The following RBMS3 variants were observed in gnomAD, a reference collection of about 807,000 sequenced individuals.
RBMS3 encodes RNA binding motif single stranded interacting protein 3, also known as RNA-binding motif, single-stranded-interacting protein 3.
RBMS3 carries 27 observed loss-of-function variants against 66.8 expected under a neutral mutation model. That is an observed-to-expected ratio of 0.40 (90% CI 0.30 to 0.56). The LOEUF is 0.56. Ranked by LOEUF, RBMS3 falls within the 20% of genes least tolerant of loss-of-function variation. The pLI, the probability that RBMS3 is intolerant of heterozygous loss-of-function variation, is 0.40. For missense variants in RBMS3, 513 were observed against 549.5 expected (o/e 0.93, Z 0.66); for synonymous variants, 188 against 183.0 (o/e 1.03, Z -0.22).
chr3:29,970,679 T>G (rs970722482), intron 12 of RBMS3, among the ~76,000 whole-genome samples: 3 of 152,218 alleles, frequency 2.0e-5, no homozygotes, highest in Non-Finnish European at 4.4e-5. Context: ...CAAAGCTTTA[T>G]GCAACATGTA....
At chr3:29,475,734 C>A (rs1305268866) in intron 2 of RBMS3, among the ~76,000 whole-genome samples, 1 of 152,010 alleles carries the variant, frequency 6.6e-6, no homozygotes, top group Non-Finnish European at 1.5e-5. Context: ...TGCCTAAGTA[C>A]AAAGATTCAT....
chr3:29,997,036 A>T (rs1308184639), intron 14 of RBMS3, among the ~76,000 whole-genome samples: 1 of 151,734 alleles, frequency 6.6e-6, no homozygotes, highest in Non-Finnish European at 1.5e-5. Flanking sequence ...CTAATAAAGA[A>T]AAAAAGAGAG....
Position 29,281,736 on chromosome 3 carries a change from C to T in RBMS3, c.55C>T (p.Pro19Ser), listed in dbSNP as rs1197400405. The T allele has an allele frequency of 1.2e-6, 2 of 1,613,252 alleles. No homozygotes were observed. Among genetic ancestry groups the T allele is most frequent in the East Asian group, 4.5e-5 (2 of 44,786 alleles). Residue 19 changes from proline (P) to serine (S), a missense_variant, in exon 1 of 15, where the codon CCT (proline) becomes TCT (serine). Pro to Ser is a moderately conservative substitution (Grantham distance 74). Transcript: ENST00000383767. ...GTACCCCCAGTACACTTACTACTAT[C>T]CTCATTATCTCCAAACCAAGGTATG... Reference protein sequence around the residue: ...QMYPQYTYYYPHYLQTKQSYA... With the variant: ...QMYPQYTYYYSHYLQTKQSYA...
At chr3:29,683,859 A>G (rs762259595) in intron 4 of RBMS3, among the ~76,000 whole-genome samples, 1 of 152,064 alleles carries the variant, frequency 6.6e-6, no homozygotes. Flanking sequence ...AGGGCTGGAC[A>G]GGAATGACTA....
intron 4 of RBMS3, among the ~76,000 whole-genome samples, chr3:29,675,547 C>G (rs1462793300): frequency 6.6e-6 from 1 of 152,124 alleles, no homozygotes; most frequent in East Asian, 1.9e-4. Flanking sequence ...GGGCTAATAT[C>G]CAGAATCTAC....
chr3:29,999,428 A>T (rs1471528554), intron 14 of RBMS3, among the ~76,000 whole-genome samples: 1 of 152,216 alleles, frequency 6.6e-6, no homozygotes, highest in African/African-American at 2.4e-5. Flanking sequence ...TACCCAAAGG[A>T]TTATAAATCA....
chr3:29,806,263 T>C (rs909132586), intron 6 of RBMS3, among the ~76,000 whole-genome samples: 4 of 151,992 alleles, frequency 2.6e-5, no homozygotes, highest in Non-Finnish European at 5.9e-5. Flanking sequence ...ATTTATTTAT[T>C]ATTGTTTTTA....
At chr3:29,577,998 A>G (rs79109067) in intron 3 of RBMS3, among the ~76,000 whole-genome samples, 5,431 of 152,210 alleles carry the variant, frequency 0.036, 121 homozygotes, top group African/African-American at 0.061. Context: ...ATTTTGTTCT[A>G]TCCTTTATCA....
chr3:29,598,115 G>A (rs921693712), intron 4 of RBMS3, among the ~76,000 whole-genome samples: 2 of 152,066 alleles, frequency 1.3e-5, no homozygotes, highest in Non-Finnish European at 2.9e-5. Flanking sequence ...TGTATTGTTA[G>A]ATATCTGGTT....
At chr3:29,930,100 T>TCTTC in intron 10 of RBMS3, among the ~76,000 whole-genome samples, 1 of 59,912 alleles carries the variant, frequency 1.7e-5, no homozygotes. Context: ...GTGTCACTTT[T>TCTTC]CTTTCTTTCT....
chr3:29,921,542 GAC>G (rs1299919554), intron 10 of RBMS3, among the ~76,000 whole-genome samples: 1 of 152,070 alleles, frequency 6.6e-6, no homozygotes, highest in African/African-American at 2.4e-5. Flanking sequence ...CAGGAGGAAT[GAC>G]ACAATAAAAT....
rs2031775468 is a variant in RBMS3, at chr3:29,281,486, T to TTC, written c.-196_-195insTC. On this transcript the variant is annotated 5_prime_UTR_variant, in exon 1 of 15. Transcript: ENST00000383767. Reference sequence around the variant, plus strand: ...TCTCACTCCTCGCCCTTTTTTTTTTTCCTTTGGTGTGTGTTTTTTGTTTTG... The same window carrying TTC: ...TCTCACTCCTCGCCCTTTTTTTTTTTTCCCTTTGGTGTGTGTTTTTTGTTTTG... 3 of 566,652 alleles carry TTC rather than the reference T, an allele frequency of 5.3e-6. No individual in the cohort carries two copies. The highest frequency in any genetic ancestry group is 1.9e-5 in the African/African-American group (1 of 51,382). The allele number at this position is 566,652 out of a possible 1,614,324, so 35.1% of individuals were successfully genotyped here.
Position 29,715,952 on chromosome 3 carries a change from T to C in RBMS3, c.400-23768T>C, listed in dbSNP as rs573695405. Among the ~76,000 whole-genome samples, 23 of 152,264 alleles carry C rather than the reference T, an allele frequency of 1.5e-4. No individual in the cohort carries two copies. In the South Asian group the frequency reaches 4.1e-3, roughly 27 times the overall value. On this transcript the variant is annotated intron_variant, in intron 4 of 14. Transcript: ENST00000383767. Reference sequence around the variant, plus strand: ...TTTCATGTTTTGTTCTGCCATATTATTTCTGGGAAGTTAGAAAAAGGGAAG... The same window carrying C: ...TTTCATGTTTTGTTCTGCCATATTACTTCTGGGAAGTTAGAAAAAGGGAAG...
Position 29,587,125 on chromosome 3 carries a change from G to T in RBMS3, c.319G>T (p.Val107Leu). The change falls in exon 4 of 15, where the codon GTA becomes TTA. Residue 107 changes from valine to leucine, a missense_variant. Physicochemically the swap from Val to Leu is conservative, Grantham distance 32. Transcript: ENST00000383767. Reference sequence around the variant, plus strand: ...TTGTGTTTTCACAGGTTATGGTTTTGTAGATTTTGACAGTCCTGCAGCCGC... The same window carrying T: ...TTGTGTTTTCACAGGTTATGGTTTTTTAGATTTTGACAGTCCTGCAGCCGC... ...NTNQCKGYGF[V>L]DFDSPAAAQK... is the part of the protein sequence containing the mutation. The T allele has an allele frequency of 6.2e-7, 1 of 1,600,052 alleles. No individual in the cohort carries two copies. Among genetic ancestry groups the T allele is most frequent in the Non-Finnish European group, 8.5e-7 (1 of 1,172,826 alleles).
chr3:29,476,102 G>A (rs1202597091), intron 2 of RBMS3, among the ~76,000 whole-genome samples: 1 of 152,172 alleles, frequency 6.6e-6, no homozygotes, highest in Non-Finnish European at 1.5e-5. Flanking sequence ...CTGCAGTAAT[G>A]AGAAGGATTA....
chr3:29,776,769 G>A (rs138589607), intron 6 of RBMS3, among the ~76,000 whole-genome samples: 65 of 151,904 alleles, frequency 4.3e-4, no homozygotes, highest in African/African-American at 1.5e-3. Flanking sequence ...CTGGTACATG[G>A]GGTATATAAG....
chr3:29,516,785 G>C (rs2044644431), intron 3 of RBMS3, among the ~76,000 whole-genome samples: 1 of 152,142 alleles, frequency 6.6e-6, no homozygotes, highest in Non-Finnish European at 1.5e-5. Context: ...ACAAAAATTA[G>C]GAGTAATATT....
chr3:29,668,110 G>A (rs941897140), intron 4 of RBMS3, among the ~76,000 whole-genome samples: 2 of 152,070 alleles, frequency 1.3e-5, no homozygotes, highest in Non-Finnish European at 2.9e-5. Context: ...CAGTTGTCCA[G>A]ACAGAAAAAC....
intron 4 of RBMS3, among the ~76,000 whole-genome samples, chr3:29,629,615 G>A (rs988920638): frequency 1.3e-5 from 2 of 151,962 alleles, no homozygotes; most frequent in South Asian, 2.1e-4. Context: ...TATCTAACAG[G>A]GAACTCATCC....
Sources: allele counts gnomAD v4.1 joint callset (sites outside exome capture counted in the v4.1 genomes callset), GRCh38; gene constraint gnomAD v4.1.1; transcripts MANE v1.5; gene names NCBI Gene and HGNC (gene_info 2026-07-23, HGNC 2026-07-21).